The following BTBD9 variants were observed in gnomAD, a reference collection of about 807,000 sequenced individuals.
BTBD9 encodes BTB domain containing 9.
BTBD9 carries 49 observed loss-of-function variants against 64.3 expected under a neutral mutation model. The observed-to-expected ratio is 0.76, with a 90% confidence interval of 0.61 to 0.97. BTBD9 has a LOEUF of 0.97. Ranked by LOEUF, BTBD9 falls within the 50% of genes least tolerant of loss-of-function variation. BTBD9 has a pLI of 0.00. For synonymous variants in BTBD9, 260 were observed against 274.7 expected (o/e 0.95, Z 0.53); for missense variants, 598 against 762.1 (o/e 0.78, Z 2.53).
chr6:38,276,103 T>TG (rs780543258), intron 8 of BTBD9, among the ~76,000 whole-genome samples: 2 of 152,186 alleles, frequency 1.3e-5, no homozygotes, highest in Non-Finnish European at 2.9e-5. Context: ...CCAACCCAAA[T>TG]GTCCAACAAC....
rs1329149532 is a variant in BTBD9 at position 38,374,293 on chromosome 6, ATATGTATATATATG to A, written c.1155-29214_1155-29201del. On this transcript the variant is annotated intron_variant, in intron 6 of 10. Coordinates refer to ENST00000481247, the MANE Select transcript of BTBD9 (RefSeq NM_001099272.2). ...CGAAAAAAAAAAAAAGTATATATAT[ATATGTATATATATG>A]TATATATATATATATATATGTATAT... is the stretch of plus-strand genomic sequence containing the variant. Among the ~76,000 whole-genome samples, 85 of 74,964 alleles carry A rather than the reference ATATGTATATATATG, an allele frequency of 1.1e-3. 19 individuals carry two copies. Among genetic ancestry groups the A allele is most frequent in the African/African-American group, 6.9e-3 (67 of 9,720 alleles). 49.2% of individuals were successfully genotyped at this position (74,964 alleles called of 152,430 possible).
intron 10 of BTBD9, among the ~76,000 whole-genome samples, chr6:38,183,194 A>C (rs184459687): frequency 9.5e-4 from 145 of 152,224 alleles, no homozygotes; most frequent in African/African-American, 3.1e-3. Context: ...GTTAGCCAGG[A>C]TGGTCTCGAT....
intron 9 of BTBD9, among the ~76,000 whole-genome samples, chr6:38,212,044 C>T (rs1561879307): frequency 1.3e-5 from 2 of 152,102 alleles, no homozygotes; most frequent in African/African-American, 4.8e-5. Context: ...ACCTGTTGAC[C>T]CACCAGAAAA....
intron 8 of BTBD9, among the ~76,000 whole-genome samples, chr6:38,263,920 A>G (rs1764880019): frequency 6.6e-6 from 1 of 152,226 alleles, no homozygotes. Context: ...AAGGTACGCA[A>G]TAAGAGTAGA....
At chr6:38,408,356 C>T (rs1052679087) in intron 6 of BTBD9, among the ~76,000 whole-genome samples, 2 of 115,230 alleles carry the variant, frequency 1.7e-5, no homozygotes, top group African/African-American at 4.8e-5. Flanking sequence ...TGTCTCTAAA[C>T]AAAACAAAAC....
At chr6:38,627,473 T>C (rs772640732) in intron 1 of BTBD9, among the ~76,000 whole-genome samples, 1 of 152,156 alleles carries the variant, frequency 6.6e-6, no homozygotes, top group Non-Finnish European at 1.5e-5. Flanking sequence ...TCTGAATAGA[T>C]ATGCAAGAAA....
At chr6:38,417,805 A>G (rs867894028) in intron 6 of BTBD9, among the ~76,000 whole-genome samples, 1,577 of 149,622 alleles carry the variant, frequency 0.011, 12 homozygotes, top group Middle Eastern at 0.017. Flanking sequence ...AGAGAGAAAA[A>G]AAATATTGAC....
intron 1 of BTBD9, among the ~76,000 whole-genome samples, chr6:38,605,099 T>C (rs1582706761): frequency 6.6e-6 from 1 of 151,780 alleles, no homozygotes; most frequent in Non-Finnish European, 1.5e-5. Flanking sequence ...CAGGCTGGAG[T>C]GCAGTGGTGT....
At chr6:38,406,794 C>T (rs1185856359) in intron 6 of BTBD9, among the ~76,000 whole-genome samples, 3 of 152,194 alleles carry the variant, frequency 2.0e-5, no homozygotes, top group African/African-American at 7.2e-5. Flanking sequence ...TGCCTATTCA[C>T]AGACACGACC....
intron 8 of BTBD9, among the ~76,000 whole-genome samples, chr6:38,286,216 AT>A (rs974083009): frequency 2.6e-5 from 4 of 152,204 alleles, no homozygotes; most frequent in African/African-American, 9.7e-5. Flanking sequence ...AACAATTTAA[AT>A]GAAGAATCCA....
At chr6:38,251,155 C>A in intron 9 of BTBD9, among the ~76,000 whole-genome samples, 1 of 149,452 alleles carries the variant, frequency 6.7e-6, no homozygotes, top group Admixed American at 6.6e-5. Flanking sequence ...TAAATACTAA[C>A]AGAACTAAAA....
intron 6 of BTBD9, among the ~76,000 whole-genome samples, chr6:38,499,372 A>G (rs1772095777): frequency 6.6e-6 from 1 of 152,094 alleles, no homozygotes. Context: ...TATTATTACT[A>G]ATCCAGCTAC....
chr6:38,402,587 T>G (rs1045131163), intron 6 of BTBD9, among the ~76,000 whole-genome samples: 1 of 152,122 alleles, frequency 6.6e-6, no homozygotes, highest in Admixed American at 6.6e-5. Context: ...AAGGGGAAAA[T>G]GTGCCTGGGA....
intron 6 of BTBD9, among the ~76,000 whole-genome samples, chr6:38,458,343 C>G (rs1017377812): frequency 2.6e-5 from 4 of 152,148 alleles, no homozygotes; most frequent in African/African-American, 9.7e-5. Context: ...ATTTGATAAT[C>G]TGAGTATGAA....
intron 7 of BTBD9, among the ~76,000 whole-genome samples, chr6:38,307,196 A>C (rs976669654): frequency 2.0e-5 from 3 of 152,186 alleles, no homozygotes; most frequent in Non-Finnish European, 2.9e-5. Context: ...CTTCTGTCAA[A>C]TTATTCAAGA....
At chr6:38,331,040 GAT>G (rs1763654971) in intron 7 of BTBD9, among the ~76,000 whole-genome samples, 1 of 152,120 alleles carries the variant, frequency 6.6e-6, no homozygotes, top group Admixed American at 6.5e-5. Context: ...AAAAATGACT[GAT>G]AGGAATAACT....
At chr6:38,315,974 A>G (rs765572785) in intron 7 of BTBD9, among the ~76,000 whole-genome samples, 8 of 152,140 alleles carry the variant, frequency 5.3e-5, no homozygotes, top group Non-Finnish European at 1.0e-4. Context: ...TTTGCTTTAT[A>G]TATCAGGGTG....
At chr6:38,437,785 G>A (rs1768806609) in intron 6 of BTBD9, among the ~76,000 whole-genome samples, 1 of 152,064 alleles carries the variant, frequency 6.6e-6, no homozygotes, top group African/African-American at 2.4e-5. Context: ...TTTTTAAGCA[G>A]GGGACAGTGT....
chr6:38,288,239 T>C, intron 8 of BTBD9, 33 bp downstream of exon 8: 1 of 1,593,124 alleles, frequency 6.3e-7, no homozygotes, highest in Non-Finnish European at 8.6e-7. Context: ...ATCTTCCATT[T>C]TAAAACTTAT....
Sources: gnomAD v4.1 joint callset for allele counts (sites outside exome capture counted in the v4.1 genomes callset) on GRCh38, gnomAD v4.1.1 for gene constraint, MANE v1.5 for transcripts, NCBI Gene and HGNC (gene_info 2026-07-23, HGNC 2026-07-21) for gene names.